The following ZNF516 variants were observed in gnomAD, a reference collection of about 807,000 sequenced individuals.
ZNF516 encodes the protein zinc finger protein 516.
ZNF516 carries 19 observed loss-of-function variants against 79.7 expected under a neutral mutation model. The observed-to-expected ratio is 0.24, with a 90% CI of 0.17 to 0.35. The LOEUF (loss-of-function observed/expected upper bound fraction) is 0.35. Ranked by LOEUF, ZNF516 falls within the 10% of genes least tolerant of loss-of-function variation. The pLI is 1.00. For synonymous variants in ZNF516, 877 were observed against 739.5 expected, an observed-to-expected ratio of 1.19 and a Z score of -3.02; for missense variants, 1,678 against 1,679.5, an observed-to-expected ratio of 1.00 and a Z score of 0.02.
upstream of ZNF516, chr18:76,495,710 T>TGCGGGTCCCGCCG (rs1347431343): frequency 8.4e-7 from 1 of 1,191,476 alleles, no homozygotes; most frequent in African/African-American, 1.7e-5. Context: ...GTGCTCGGGA[T>TGCGGGTCCCGCCG]GCGGGTCCCG....
chr18:76,406,951 A>G (rs1221205719), intron 3 of ZNF516, among the ~76,000 whole-genome samples: 2 of 135,524 alleles, frequency 1.5e-5, no homozygotes, highest in Non-Finnish European at 3.1e-5. Flanking sequence ...GCCTGGGGCT[A>G]TCTTAGATTT....
intron 4 of ZNF516, among the ~76,000 whole-genome samples, chr18:76,378,556 T>C (rs541629191): frequency 6.6e-6 from 1 of 152,340 alleles, no homozygotes; most frequent in South Asian, 2.1e-4. Context: ...AAACGTCCTC[T>C]CAGCAGGAAG....
At position 76,442,440 on chromosome 18, in the gene ZNF516, G is replaced by A. The variant is rs763059107; in HGVS notation, c.615C>T (p.Cys205=). ...QAHKPFKCRL[C]SYATLREESL... Reference sequence around the variant, plus strand: ...ACTCCTCCCGCAGCGTCGCGTAGCTGCACAGCCTGCACTTGAACGGCTTGT... The same window carrying A: ...ACTCCTCCCGCAGCGTCGCGTAGCTACACAGCCTGCACTTGAACGGCTTGT... The change falls in exon 3 of 7, where the codon TGC becomes TGT. Residue 205 remains cysteine, a synonymous_variant. Transcript: ENST00000443185. 6.2e-7 allele frequency: 1 copy of A among 1,606,466 alleles called. No individual in the cohort carries two copies. The highest frequency in any genetic ancestry group is 2.2e-5 in the East Asian group (1 of 44,854).
intron 3 of ZNF516, among the ~76,000 whole-genome samples, chr18:76,423,723 AG>A (rs1417239851): frequency 2.7e-5 from 4 of 148,560 alleles, no homozygotes; most frequent in African/African-American, 1.0e-4. Context: ...GCAGGTGAAA[AG>A]GCTCCCTCCT....
At chr18:76,461,627 G>A (rs919134618) in intron 2 of ZNF516, among the ~76,000 whole-genome samples, 7 of 152,376 alleles carry the variant, frequency 4.6e-5, no homozygotes, top group Non-Finnish European at 7.3e-5. Flanking sequence ...CCATCCAAAC[G>A]TAAAATCAGA....
chr18:76,396,257 T>C (rs1331892624), intron 3 of ZNF516, among the ~76,000 whole-genome samples: 1 of 152,064 alleles, frequency 6.6e-6, no homozygotes, highest in South Asian at 2.1e-4. Context: ...TACAAGTGTA[T>C]GGGCATGGGG....
At chr18:76,460,443 G>A (rs137970588) in intron 2 of ZNF516, among the ~76,000 whole-genome samples, 83 of 152,192 alleles carry the variant, frequency 5.5e-4, no homozygotes, top group African/African-American at 2.0e-3. Context: ...CAATAAAAGG[G>A]GTACAATCTA....
chr18:76,428,445 TCAGCATGTTTACTG>T (rs1233664750), intron 3 of ZNF516, among the ~76,000 whole-genome samples: 12 of 151,404 alleles, frequency 7.9e-5, no homozygotes, highest in South Asian at 6.3e-4. Flanking sequence ...CTAAGTGTTG[TCAGCATGTTTACTG>T]CAGCATGTTT....
chr18:76,368,193 A>G lies in ZNF516; in HGVS notation c.3432+2335T>C, dbSNP rs2074647115. Among the ~76,000 whole-genome samples the G allele has an allele frequency of 1.3e-5, 2 of 152,216 alleles. 1 individual carries two copies. The highest frequency in any genetic ancestry group is 4.1e-4 in the South Asian group (2 of 4,834). On this transcript the variant is annotated intron_variant, in intron 6 of 6. Coordinates refer to ENST00000443185, the MANE Select transcript of ZNF516 (RefSeq NM_014643.4). Reference sequence around the variant, plus strand: ...GGTTTCTGTAAACAATGAGAATTATAGGATAAGAACAAGGAACCCTAGGAT... The same window carrying G: ...GGTTTCTGTAAACAATGAGAATTATGGGATAAGAACAAGGAACCCTAGGAT...
At chr18:76,381,951 G>A (rs1046032820) in intron 3 of ZNF516, among the ~76,000 whole-genome samples, 1 of 152,194 alleles carries the variant, frequency 6.6e-6, no homozygotes, top group African/African-American at 2.4e-5. Context: ...GGCCAACGTG[G>A]TGAAACCCCG....
rs2074553811 is a variant in ZNF516 at position 76,362,491 on chromosome 18, C to G, written c.*7G>C. ...ACGGGGACCTGGGGTGCGTCGGAAA[C>G]ACGCCTTTAGGTTCCCTTTCTCAGA... is the stretch of plus-strand genomic sequence containing the variant. On this transcript the variant is annotated 3_prime_UTR_variant, in exon 7 of 7. Coordinates refer to ENST00000443185, the MANE Select transcript of ZNF516 (RefSeq NM_014643.4). The G allele has an allele frequency of 6.2e-7, 1 of 1,612,772 alleles. No individual in the cohort carries two copies. The highest frequency in any genetic ancestry group is 1.7e-5 in the Admixed American group (1 of 59,956).
At chr18:76,406,970 G>A (rs557071752) in intron 3 of ZNF516, among the ~76,000 whole-genome samples, 10 of 152,168 alleles carry the variant, frequency 6.6e-5, no homozygotes, top group Non-Finnish European at 1.3e-4. Flanking sequence ...TTGCTAACCC[G>A]GGGCACACAG....
Position 76,379,397 on chromosome 18 carries a change from G to C in ZNF516, c.2717C>G (p.Ala906Gly). The change falls in exon 4 of 7, where the codon GCC becomes GGC. Residue 906 changes from alanine (A) to glycine (G), a missense_variant. Around this residue, in one of 5 missense-constraint regions of ZNF516, gnomAD observed 1,294 missense variants for 1,248.3 expected, o/e 1.04. Coordinates refer to ENST00000443185, the MANE Select transcript of ZNF516 (RefSeq NM_014643.4). ...PHGAATQGPL[A>G]KPRQEASSKP... ...GGAGCTAGCCTCCTGCCTGGGCTTGGCCAGGGGCCCCTGTGTGGCCGCGCC... is the reference window on the plus strand; with the variant it reads ...GGAGCTAGCCTCCTGCCTGGGCTTGCCCAGGGGCCCCTGTGTGGCCGCGCC... The C allele has an allele frequency of 6.2e-7, 1 of 1,604,414 alleles. No homozygotes were observed. Among genetic ancestry groups the C allele is most frequent in the Admixed American group, 1.7e-5 (1 of 59,032 alleles).
Position 76,442,707 on chromosome 18 carries a change from G to A in ZNF516, c.348C>T (p.Ser116=). 1 of 1,581,186 alleles carries A rather than the reference G, an allele frequency of 6.3e-7. No homozygotes were observed. Among genetic ancestry groups the A allele is most frequent in the Non-Finnish European group, 8.6e-7 (1 of 1,164,884 alleles). Reference sequence around the variant, plus strand: ...TGCAGGCCGAGGCGCTCTTGGTGGGGCTGGCGCAGGCGTCCAGGCCCTCGG... The same window carrying A: ...TGCAGGCCGAGGCGCTCTTGGTGGGACTGGCGCAGGCGTCCAGGCCCTCGG... ...RASEGLDACA[S]PTKSASACNR... Residue 116 remains serine, a synonymous_variant, in exon 3 of 7, where the codon AGC becomes AGT. Coordinates refer to ENST00000443185, the MANE Select transcript of ZNF516 (RefSeq NM_014643.4).
At chr18:76,490,161 A>G in intron 1 of ZNF516, 1 of 985,358 alleles carries the variant, frequency 1.0e-6, no homozygotes, top group Non-Finnish European at 1.2e-6. Flanking sequence ...TTCATCCCAG[A>G]GCCCATTCAA....
chr18:76,370,660 G>C (rs773287102), intron 5 of ZNF516, 65 bp from the exon 6 acceptor site: 1 of 1,348,412 alleles, frequency 7.4e-7, no homozygotes, highest in South Asian at 1.5e-5. Flanking sequence ...CATTAAATGA[G>C]TCCATTACAG....
At chr18:76,489,737 A>G (rs1212777385) in intron 1 of ZNF516, among the ~76,000 whole-genome samples, 1 of 152,254 alleles carries the variant, frequency 6.6e-6, no homozygotes, top group East Asian at 1.9e-4. Flanking sequence ...TCAACAATTC[A>G]TAGCAGACAC....
intron 1 of ZNF516, among the ~76,000 whole-genome samples, chr18:76,483,528 C>A (rs1028191088): frequency 6.6e-6 from 1 of 152,198 alleles, no homozygotes; most frequent in Non-Finnish European, 1.5e-5. Flanking sequence ...TGCCGCACCA[C>A]ACTGAGAACC....
chr18:76,445,303 G>C (rs1227108623), intron 2 of ZNF516, among the ~76,000 whole-genome samples: 3 of 151,780 alleles, frequency 2.0e-5, no homozygotes, highest in South Asian at 2.1e-4. Flanking sequence ...CCCAAAACTG[G>C]AGAAGTAAAT....
Sources: allele counts gnomAD v4.1 joint callset (sites outside exome capture counted in the v4.1 genomes callset), GRCh38; gene constraint gnomAD v4.1.1; regional missense constraint gnomAD v4.1.1; transcripts MANE v1.5; gene names NCBI Gene and HGNC (gene_info 2026-07-23, HGNC 2026-07-21).